Variants in TMEM132D observed in about 807,000 individuals in gnomAD.
The protein encoded by TMEM132D is mature OL transmembrane protein.
A neutral mutation model predicts 62.3 loss-of-function variants in TMEM132D; 21 were observed. That is an observed-to-expected ratio of 0.34 (90% CI 0.24 to 0.49). The LOEUF (loss-of-function observed/expected upper bound fraction) is 0.49. Ranked by LOEUF, TMEM132D falls within the 20% of genes least tolerant of loss-of-function variation. TMEM132D has a pLI of 0.99. For synonymous variants in TMEM132D, 621 were observed against 575.6 expected (o/e 1.08, Z -1.13); for missense variants, 1,346 against 1,402.8 (o/e 0.96, Z 0.65).
intron 6 of TMEM132D, among the ~76,000 whole-genome samples, 170 bp downstream of exon 6, chr12:129,084,327 G>A (rs571270830): frequency 2.0e-5 from 3 of 152,256 alleles, no homozygotes; most frequent in East Asian, 3.9e-4. Flanking sequence ...GGAACCTCCC[G>A]AAAAACGCTG....
At position 129,136,962 on chromosome 12, in the gene TMEM132D, TATC is replaced by T. The variant is rs996011892; in HGVS notation, c.1444-52263_1444-52261del. ...TCATCGCCACCATCATCACCATCAT[TATC>T]ATCATCACCATCAACAGCATCATCA... On this transcript the variant is annotated intron_variant, in intron 5 of 8. Transcript: ENST00000422113. Among the ~76,000 whole-genome samples, 9 of 138,318 alleles carry T rather than the reference TATC, an allele frequency of 6.5e-5. No homozygotes were observed. The South Asian group carries it at 9.4e-4, about 14-fold the overall frequency. 90.7% of individuals were successfully genotyped at this position (138,318 alleles called of 152,430 possible). A position where few individuals can be genotyped will look rare whatever the true frequency, so the allele number is the denominator to read the frequency against.
At chr12:129,284,915 G>A (rs1363812781) in intron 4 of TMEM132D, among the ~76,000 whole-genome samples, 1 of 152,170 alleles carries the variant, frequency 6.6e-6, no homozygotes, top group African/African-American at 2.4e-5. Flanking sequence ...GGGGTAAGGG[G>A]AAGGAGTGGG....
intron 2 of TMEM132D, among the ~76,000 whole-genome samples, chr12:129,697,533 G>A (rs901226842): frequency 6.6e-6 from 1 of 152,124 alleles, no homozygotes; most frequent in African/African-American, 2.4e-5. Context: ...TCGTACCGAG[G>A]TAAACAGACA....
chr12:129,803,130 C>T (rs1402596604), intron 1 of TMEM132D, among the ~76,000 whole-genome samples: 37 of 151,602 alleles, frequency 2.4e-4, no homozygotes, highest in Admixed American at 5.3e-4. Context: ...GACAGATCAA[C>T]GAGACAGAAA....
intron 1 of TMEM132D, among the ~76,000 whole-genome samples, chr12:129,817,114 C>T (rs1230998426): frequency 6.6e-6 from 1 of 152,204 alleles, no homozygotes; most frequent in Admixed American, 6.5e-5. Flanking sequence ...TGCATGAAAT[C>T]GGAGCAATGA....
At position 129,074,455 on chromosome 12, in the gene TMEM132D, A is replaced by T. The variant is rs762294382; in HGVS notation, c.2720T>A (p.Met907Lys). 1 of 1,614,188 alleles carries T rather than the reference A, an allele frequency of 6.2e-7. No individual in the cohort carries two copies. Among genetic ancestry groups the T allele is most frequent in the Non-Finnish European group, 8.5e-7 (1 of 1,180,032 alleles). The change falls in exon 9 of 9, where the codon ATG becomes AAG. Residue 907 changes from methionine (M) to lysine (K), a missense_variant. Coordinates refer to ENST00000422113, the MANE Select transcript of TMEM132D (RefSeq NM_133448.3). ...GTCGCTCAGCCCTTTGGATGCCTGC[A>T]TAAGGTCATTCCCATCCATTTCCCC... ...SNGEMDGNDL[M>K]QASKGLSDLE...
In TMEM132D at chr12:129,404,267, C is replaced by T. The variant is rs958102733; in HGVS notation, c.1116-66450G>A. Reference sequence around the variant, plus strand: ...AGGCTGGAGTGCAGTGGTACGATCTCGGCTCACTGCAACCTCCACCTCCCG... The same window carrying T: ...AGGCTGGAGTGCAGTGGTACGATCTTGGCTCACTGCAACCTCCACCTCCCG... On this transcript the variant is annotated intron_variant, in intron 3 of 8. Transcript: ENST00000422113. 4.6e-5 allele frequency among the ~76,000 whole-genome samples: 7 copies of T among 152,030 alleles called. No homozygotes were observed. In the East Asian group the frequency reaches 7.8e-4, roughly 17 times the overall value.
At chr12:129,771,160 C>T (rs1045995826) in intron 1 of TMEM132D, among the ~76,000 whole-genome samples, 1 of 152,208 alleles carries the variant, frequency 6.6e-6, no homozygotes, top group Admixed American at 6.5e-5. Context: ...GCACGCTCAC[C>T]ACTCTAAGAC....
At chr12:129,244,038 C>T (rs555438792) in intron 4 of TMEM132D, among the ~76,000 whole-genome samples, 9 of 152,176 alleles carry the variant, frequency 5.9e-5, no homozygotes, top group Non-Finnish European at 1.0e-4. Context: ...TGTTGATAGT[C>T]ATTCTTCCAA....
intron 2 of TMEM132D, among the ~76,000 whole-genome samples, chr12:129,671,608 A>T (rs759794213): frequency 6.6e-6 from 1 of 152,086 alleles, no homozygotes; most frequent in African/African-American, 2.4e-5. Context: ...GGAGGGCTGA[A>T]GCGTTTTTGA....
intron 1 of TMEM132D, among the ~76,000 whole-genome samples, chr12:129,876,240 T>A (rs1189532294): frequency 6.6e-6 from 1 of 152,200 alleles, no homozygotes; most frequent in Admixed American, 6.5e-5. Flanking sequence ...TCCAATTATC[T>A]GGTGATCTAA....
chr12:129,318,604 T>C (rs1034484877), intron 4 of TMEM132D, among the ~76,000 whole-genome samples: 6 of 152,306 alleles, frequency 3.9e-5, no homozygotes, highest in Admixed American at 3.3e-4. Flanking sequence ...TAATGCTCTA[T>C]GTTTGTGCTG....
At chr12:129,653,509 A>G (rs1056465785) in intron 2 of TMEM132D, among the ~76,000 whole-genome samples, 1 of 152,196 alleles carries the variant, frequency 6.6e-6, no homozygotes, top group African/African-American at 2.4e-5. Context: ...GAGAGCAGGA[A>G]ATCTGGATAA....
At chr12:129,339,987 C>G (rs1255584500) in intron 3 of TMEM132D, among the ~76,000 whole-genome samples, 1 of 152,158 alleles carries the variant, frequency 6.6e-6, no homozygotes, top group Non-Finnish European at 1.5e-5. Context: ...CTGGATGCCT[C>G]CCACCCCACA....
intron 1 of TMEM132D, among the ~76,000 whole-genome samples, chr12:129,859,341 C>A (rs1018378477): frequency 2.6e-5 from 4 of 152,140 alleles, no homozygotes; most frequent in Non-Finnish European, 5.9e-5. Flanking sequence ...AACGTAATAG[C>A]AAAAACCGCA....
chr12:129,539,274 C>T (rs1405539031), intron 2 of TMEM132D, among the ~76,000 whole-genome samples: 2 of 151,804 alleles, frequency 1.3e-5, no homozygotes, highest in African/African-American at 4.8e-5. Context: ...CTCTGTCACC[C>T]AGGCTGGAGT....
intron 2 of TMEM132D, among the ~76,000 whole-genome samples, chr12:129,601,678 G>T (rs903301248): frequency 2.6e-5 from 4 of 152,102 alleles, no homozygotes; most frequent in Non-Finnish European, 5.9e-5. Flanking sequence ...GAGAGGGAGA[G>T]AGATAGAAGA....
At chr12:129,096,915 T>C (rs941203664) in intron 5 of TMEM132D, among the ~76,000 whole-genome samples, 1 of 151,226 alleles carries the variant, frequency 6.6e-6, no homozygotes, top group African/African-American at 2.4e-5. Context: ...GAGGAAATAA[T>C]GCATTCGGTG....
chr12:129,251,260 G>A (rs964836774), intron 4 of TMEM132D, among the ~76,000 whole-genome samples: 4 of 150,734 alleles, frequency 2.7e-5, no homozygotes, highest in African/African-American at 9.8e-5. Context: ...TCGGGAGGCT[G>A]AGGCAGGAGA....
Sources: allele counts gnomAD v4.1 joint callset (sites outside exome capture counted in the v4.1 genomes callset), GRCh38; gene constraint gnomAD v4.1.1; transcripts MANE v1.5; gene names NCBI Gene and HGNC (gene_info 2026-07-23, HGNC 2026-07-21).